Variants in MACF1 observed in about 807,000 individuals in gnomAD.
The protein encoded by MACF1 is microtubule-actin cross-linking factor 1.
A neutral mutation model predicts 854.8 loss-of-function variants in MACF1; 193 were observed. That is an observed-to-expected ratio of 0.23 (90% CI 0.20 to 0.25). The LOEUF is 0.25. Among genes scored for constraint, MACF1 ranks in the 10% least tolerant of loss-of-function variants. The probability of loss-of-function intolerance (pLI) is 1.00; values close to 1 mark genes in which losing one functional copy is unlikely to be tolerated. For missense variants in MACF1, 7,722 were observed against 8,929.1 expected (o/e 0.86, Z 5.45); for synonymous variants, 3,185 against 3,226.7 (o/e 0.99, Z 0.44).
intron 97 of MACF1, among the ~76,000 whole-genome samples, chr1:39,471,548 G>A (rs1333541763): frequency 6.6e-6 from 1 of 152,126 alleles, no homozygotes; most frequent in East Asian, 1.9e-4. Flanking sequence ...TTAGTCATGT[G>A]TAAAAAAATG....
At position 39,350,847 on chromosome 1, in the gene MACF1, G is replaced by C. The variant is rs754444102; in HGVS notation, c.11028G>C (p.Glu3676Asp). 6.2e-7 allele frequency: 1 copy of C among 1,614,046 alleles called. No individual in the cohort carries two copies. The highest frequency in any genetic ancestry group is 1.1e-5 in the South Asian group (1 of 91,070). ...TSFATVVKDI[E>D]GFMEENQTKL... Reference sequence around the variant, plus strand: ...TTGCCACTGTTGTCAAGGACATTGAGGGGTTCATGGAAGAGAATCAGACCA... The same window carrying C: ...TTGCCACTGTTGTCAAGGACATTGACGGGTTCATGGAAGAGAATCAGACCA... The change falls in exon 43 of 101, where the codon GAG (glutamate) becomes GAC (aspartate). Residue 3676 changes from glutamate to aspartate, a missense_variant. Around this residue, in one of 15 missense-constraint regions of MACF1, gnomAD observed 2,807 missense variants for 3,235.8 expected, o/e 0.87. Coordinates refer to ENST00000564288, the MANE Select transcript of MACF1 (RefSeq NM_001394062.1).
At chr1:39,096,619 G>A (rs977433793) in intron 2 of MACF1, among the ~76,000 whole-genome samples, 3 of 150,674 alleles carry the variant, frequency 2.0e-5, no homozygotes, top group Admixed American at 6.6e-5. Flanking sequence ...GAAAGTTCCC[G>A]TAATCACATA....
chr1:39,448,324 T>C (rs1557660409), intron 83 of MACF1, among the ~76,000 whole-genome samples, 172 bp downstream of exon 83: 1 of 152,228 alleles, frequency 6.6e-6, no homozygotes, highest in Non-Finnish European at 1.5e-5. Flanking sequence ...ATCATGATAT[T>C]TGCTCATTTA....
At position 39,397,390 on chromosome 1, in the gene MACF1, G is replaced by C. The variant is rs944942971; in HGVS notation, c.15816+8732G>C. ...CAGCCTGGTCAACATGGTGAAACCC[G>C]GTCTCTACTAAATATACAAAAATTA... is the stretch of plus-strand genomic sequence containing the variant. On this transcript the variant is annotated intron_variant, in intron 58 of 100. Transcript: ENST00000564288. 3.3e-5 allele frequency among the ~76,000 whole-genome samples: 5 copies of C among 151,988 alleles called. No homozygotes were observed. The East Asian group carries it at 9.7e-4, about 29-fold the overall frequency.
chr1:39,450,804 G>C (rs577238548), intron 84 of MACF1, among the ~76,000 whole-genome samples: 7 of 151,692 alleles, frequency 4.6e-5, no homozygotes, highest in South Asian at 2.1e-4. Context: ...GTAGAGACAG[G>C]GTTTCACCGT....
At chr1:39,293,237 G>A (rs1017452936) in intron 17 of MACF1, among the ~76,000 whole-genome samples, 1 of 152,120 alleles carries the variant, frequency 6.6e-6, no homozygotes, top group African/African-American at 2.4e-5. Flanking sequence ...TTTATCCAAG[G>A]AGCACCACAA....
chr1:39,428,727 T>C (rs1199887143), intron 63 of MACF1, among the ~76,000 whole-genome samples: 1 of 152,234 alleles, frequency 6.6e-6, no homozygotes, highest in Non-Finnish European at 1.5e-5. Flanking sequence ...TGTGTCATCT[T>C]AATAGAAGAG....
In MACF1 at chr1:39,452,715, T is replaced by C. The variant is rs778342094; in HGVS notation, c.20645T>C (p.Leu6882Pro). 5 of 1,613,660 alleles carry C rather than the reference T, an allele frequency of 3.1e-6. No individual in the cohort carries two copies. The highest frequency in any genetic ancestry group is 3.4e-6 in the Non-Finnish European group (4 of 1,180,016). Reference protein sequence around the residue: ...AEVFRDTVHMLLEWLSEAEQT... With the variant: ...AEVFRDTVHMPLEWLSEAEQT... ...GTGTTTCGAGACACAGTCCACATGC[T>C]GTTGGAGTGGCTTTCTGAAGCAGAG... The change falls in exon 87 of 101, where the codon CTG becomes CCG. Residue 6882 changes from leucine (L) to proline (P), a missense_variant. Around this residue, in one of 15 missense-constraint regions of MACF1, gnomAD observed 729 missense variants for 900.5 expected, o/e 0.81. Coordinates refer to ENST00000564288, the MANE Select transcript of MACF1 (RefSeq NM_001394062.1).
chr1:39,258,463 G>A (rs1176483619), intron 6 of MACF1, among the ~76,000 whole-genome samples: 2 of 152,152 alleles, frequency 1.3e-5, no homozygotes, highest in African/African-American at 2.4e-5. Context: ...AACAAGCCTC[G>A]TTAATTAGAA....
At chr1:39,217,836 G>A (rs1048898914) in intron 1 of MACF1, among the ~76,000 whole-genome samples, 1 of 147,960 alleles carries the variant, frequency 6.8e-6, no homozygotes, top group Admixed American at 6.9e-5. Context: ...AGATTTCAGT[G>A]AGCCGGGATC....
intron 80 of MACF1, among the ~76,000 whole-genome samples, chr1:39,446,886 GCTTCTTTCGTTACCTCTT>G (rs1164603140): frequency 6.6e-6 from 1 of 152,038 alleles, no homozygotes; most frequent in Non-Finnish European, 1.5e-5. Flanking sequence ...GAATGTCTTG[GCTTCTTTCGTTACCTCTT>G]CTTCTTATAG....
At chr1:39,474,891 T>C (rs1185252531) in intron 97 of MACF1, among the ~76,000 whole-genome samples, 2 of 152,178 alleles carry the variant, frequency 1.3e-5, no homozygotes, top group African/African-American at 4.8e-5. Context: ...TGGATGTTCT[T>C]GGTACAGAAA....
intron 31 of MACF1, among the ~76,000 whole-genome samples, chr1:39,321,719 G>A (rs1455360576): frequency 6.6e-6 from 1 of 152,172 alleles, no homozygotes; most frequent in African/African-American, 2.4e-5. Flanking sequence ...AGTAGCATCC[G>A]TAGCACCTGG....
chr1:39,269,012 A>G, intron 6 of MACF1: 1 of 1,288,398 alleles, frequency 7.8e-7, no homozygotes, highest in Non-Finnish European at 1.0e-6. Context: ...GGGGGATGAT[A>G]GTACAGGTAA....
At position 39,413,774 on chromosome 1, in the gene MACF1, C is replaced by T. The variant is rs945753742; in HGVS notation, c.15817-8600C>T. The T allele has an allele frequency of 5.0e-6, 8 of 1,611,414 alleles. No individual in the cohort carries two copies. In the East Asian group the frequency reaches 1.8e-4, roughly 36 times the overall value. ...GCAGTGCCCACCCCCGAGGAATCTG[C>T]CTCCCCAGCTGCTGCAGTGCCCACC... is the stretch of plus-strand genomic sequence containing the variant. On this transcript the variant is annotated intron_variant, in intron 58 of 100. Transcript: ENST00000564288.
At chr1:39,477,151 CACAG>C (rs1158852623) in intron 97 of MACF1, among the ~76,000 whole-genome samples, 1 of 75,138 alleles carries the variant, frequency 1.3e-5, no homozygotes, top group African/African-American at 4.0e-5. Context: ...CACACACACA[CACAG>C]ATGTGCAAAG....
rs574893098 is a variant in MACF1 at position 39,438,912 on chromosome 1, G to A, written c.18221-362G>A. On this transcript the variant is annotated intron_variant, in intron 71 of 100. Coordinates refer to ENST00000564288, the MANE Select transcript of MACF1 (RefSeq NM_001394062.1). ...AGCCTGGCCAACATGGTGAAACCCC[G>A]ACTCTACCAAAAATACAAAAATTAG... is the stretch of plus-strand genomic sequence containing the variant. Among the ~76,000 whole-genome samples the A allele has an allele frequency of 9.2e-5, 14 of 151,542 alleles. No homozygotes were observed. The South Asian group carries it at 1.7e-3, about 18-fold the overall frequency.
chr1:39,425,401 A>G (rs566599441), intron 61 of MACF1, among the ~76,000 whole-genome samples: 1 of 152,142 alleles, frequency 6.6e-6, no homozygotes, highest in African/African-American at 2.4e-5. Context: ...GCCTTTAATC[A>G]TATCTTTTCA....
At chr1:39,309,803 T>G (rs2148433417) in intron 24 of MACF1, 107 bp downstream of exon 24, 1 of 1,233,536 alleles carries the variant, frequency 8.1e-7, no homozygotes. Context: ...TGGAGTAAAG[T>G]GGACTCAGGA....
Sources: allele counts gnomAD v4.1 joint callset (sites outside exome capture counted in the v4.1 genomes callset), GRCh38; gene constraint gnomAD v4.1.1; regional missense constraint gnomAD v4.1.1; transcripts MANE v1.5; gene names NCBI Gene and HGNC (gene_info 2026-07-23, HGNC 2026-07-21).